The following HSF2 variants were observed in gnomAD, a reference collection of about 807,000 sequenced individuals.
HSF2 encodes heat shock transcription factor 2, also known as heat shock factor protein 2.
HSF2 carries 21 observed loss-of-function variants against 65.0 expected under a neutral mutation model. The ratio of observed to expected loss-of-function variants is 0.32; its 90% CI spans 0.23 to 0.47. The LOEUF (loss-of-function observed/expected upper bound fraction) is 0.47. Ranked by LOEUF, HSF2 falls within the 20% of genes least tolerant of loss-of-function variation. HSF2 has a pLI of 1.00. For synonymous variants in HSF2, 225 were observed against 219.1 expected, an observed-to-expected ratio of 1.03 and a Z score of -0.24; for missense variants, 499 against 628.1, an observed-to-expected ratio of 0.79 and a Z score of 2.20.
intron 1 of HSF2, among the ~76,000 whole-genome samples, chr6:122,406,468 A>G (rs1338544399): frequency 6.6e-6 from 1 of 152,170 alleles, no homozygotes; most frequent in Admixed American, 6.5e-5. Context: ...CTAGATCTAT[A>G]GTAAGAAGAT....
intron 10 of HSF2, among the ~76,000 whole-genome samples, chr6:122,424,684 T>G (rs1025777884): frequency 6.6e-6 from 1 of 152,130 alleles, no homozygotes; most frequent in Non-Finnish European, 1.5e-5. Flanking sequence ...CATGTTAATT[T>G]GAATTTTGTA....
chr6:122,417,153 T>G (rs1272706560), intron 5 of HSF2, among the ~76,000 whole-genome samples: 1 of 152,062 alleles, frequency 6.6e-6, no homozygotes, highest in Non-Finnish European at 1.5e-5. Context: ...ACTGTGTTTT[T>G]TTTTTTTTTT....
At chr6:122,410,912 G>GT (rs1230708184) in intron 1 of HSF2, among the ~76,000 whole-genome samples, 5 of 139,998 alleles carry the variant, frequency 3.6e-5, no homozygotes, top group East Asian at 2.1e-4. Flanking sequence ...TGCTTTTATG[G>GT]TTTTTTTTGT....
intron 11 of HSF2, among the ~76,000 whole-genome samples, chr6:122,431,066 TTTAA>T (rs893983745): frequency 2.6e-5 from 4 of 152,174 alleles, no homozygotes; most frequent in African/African-American, 7.2e-5. Context: ...TTAAAATGAA[TTTAA>T]TTGCTTAGTT....
chr6:122,414,952 T>C (rs1774090748), intron 4 of HSF2, among the ~76,000 whole-genome samples: 1 of 152,174 alleles, frequency 6.6e-6, no homozygotes, highest in Admixed American at 6.5e-5. Flanking sequence ...ATAACAACAT[T>C]TTTTAATTTG....
At chr6:122,406,267 G>C (rs1773864584) in intron 1 of HSF2, among the ~76,000 whole-genome samples, 1 of 152,182 alleles carries the variant, frequency 6.6e-6, no homozygotes, top group African/African-American at 2.4e-5. Context: ...GATGAGGAAA[G>C]CCTCTCCAAG....
chr6:122,408,105 T>C (rs188247492), intron 1 of HSF2, among the ~76,000 whole-genome samples: 191 of 152,230 alleles, frequency 1.3e-3, no homozygotes, highest in Middle Eastern at 6.8e-3. Context: ...TACCATCATA[T>C]CAGGGGCAAG....
At chr6:122,416,150 T>G in intron 4 of HSF2, 71 bp from the exon 5 acceptor site, 1 of 908,188 alleles carries the variant, frequency 1.1e-6, no homozygotes, top group Non-Finnish European at 1.8e-6. Flanking sequence ...GTATTCTTAA[T>G]TAAAGATACT....
intron 5 of HSF2, 35 bp downstream of exon 5, chr6:122,416,331 A>G (rs1229578449): frequency 1.4e-6 from 2 of 1,423,678 alleles, no homozygotes; most frequent in African/African-American, 1.4e-5. Flanking sequence ...CATAATTTGC[A>G]TTTGTTTAAT....
At chr6:122,425,693 C>A (rs1178657456) in intron 10 of HSF2, among the ~76,000 whole-genome samples, 1 of 151,954 alleles carries the variant, frequency 6.6e-6, no homozygotes, top group East Asian at 1.9e-4. Context: ...TTTCTACTAT[C>A]TTCTACTTAA....
At chr6:122,419,294 A>T in intron 6 of HSF2, 65 bp downstream of exon 6, 1 of 733,996 alleles carries the variant, frequency 1.4e-6, no homozygotes, top group African/African-American at 1.8e-5. Flanking sequence ...GTGTTTAACC[A>T]TGAGTAGCCT....
chr6:122,429,282 A>G (rs1310066781), intron 11 of HSF2, among the ~76,000 whole-genome samples: 2 of 152,076 alleles, frequency 1.3e-5, no homozygotes, highest in Non-Finnish European at 2.9e-5. Context: ...GCGACTGGAC[A>G]TTGAGTCCTT....
chr6:122,418,432 G>T (rs1456448126), intron 5 of HSF2, among the ~76,000 whole-genome samples: 1 of 152,028 alleles, frequency 6.6e-6, no homozygotes, highest in Non-Finnish European at 1.5e-5. Context: ...AGTGTTCCTG[G>T]TATTATGGGC....
intron 4 of HSF2, among the ~76,000 whole-genome samples, chr6:122,415,686 A>G (rs1036852414): frequency 6.6e-5 from 10 of 152,018 alleles, no homozygotes; most frequent in African/African-American, 2.2e-4. Flanking sequence ...CTGTGTATCT[A>G]TTGTCATGAG....
intron 9 of HSF2, 85 bp downstream of exon 9, chr6:122,423,042 T>C: frequency 6.9e-7 from 1 of 1,449,626 alleles, no homozygotes. Context: ...GTAATCTTCC[T>C]TTCAGATGAT....
chr6:122,419,118 CAAA>C (rs1276171002), intron 5 of HSF2, 47 bp from the exon 6 acceptor site: 1 of 878,074 alleles, frequency 1.1e-6, no homozygotes, highest in East Asian at 2.7e-5. Context: ...GTAATAGAGA[CAAA>C]AGAATTAACA....
At chr6:122,417,958 C>T (rs1337325979) in intron 5 of HSF2, among the ~76,000 whole-genome samples, 7 of 152,084 alleles carry the variant, frequency 4.6e-5, no homozygotes, top group South Asian at 2.1e-4. Flanking sequence ...TGAACCTCTT[C>T]AGTTAAAATG....
chr6:122,412,710 G>C lies in HSF2; in HGVS notation c.276G>C (p.Gln92His). Residue 92 changes from glutamine (Q) to histidine (H), a missense_variant, in exon 3 of 13, where the codon CAG becomes CAC. Gln to His is a conservative substitution (Grantham distance 24). Coordinates refer to ENST00000368455, the MANE Select transcript of HSF2 (RefSeq NM_004506.4). ...KQERDGPVEF[Q>H]HPYFKQGQDD... ...AAAGAGATGGTCCTGTAGAATTTCA[G>C]CATCCTTACTTCAAACAAGGACAGG... 1 of 1,612,848 alleles carries C rather than the reference G, an allele frequency of 6.2e-7. No homozygotes were observed. Among genetic ancestry groups the C allele is most frequent in the South Asian group, 1.1e-5 (1 of 91,040 alleles).
rs1774501246 is a variant in HSF2, at chr6:122,432,632, A to G, written c.*412A>G. 1 of 154,450 alleles carries G rather than the reference A, an allele frequency of 6.5e-6. No individual in the cohort carries two copies. The highest frequency in any genetic ancestry group is 6.5e-5 in the Admixed American group (1 of 15,472). 9.6% of individuals were successfully genotyped at this position (154,450 alleles called of 1,614,324 possible). A position where few individuals can be genotyped will look rare whatever the true frequency, so the allele number is the denominator to read the frequency against. On this transcript the variant is annotated 3_prime_UTR_variant, in exon 13 of 13. Coordinates refer to ENST00000368455, the MANE Select transcript of HSF2 (RefSeq NM_004506.4). ...TCCTAAAGCTTTCTCTGCTCCAGTT[A>G]TTTTTATTAAATATTTTTCACTTGG...
Sources: gnomAD v4.1 joint callset for allele counts (sites outside exome capture counted in the v4.1 genomes callset) on GRCh38, gnomAD v4.1.1 for gene constraint, MANE v1.5 for transcripts, NCBI Gene and HGNC (gene_info 2026-07-23, HGNC 2026-07-21) for gene names.